The following DNAH5 variants were observed in gnomAD, a reference collection of about 807,000 sequenced individuals.
DNAH5 encodes the protein dynein axonemal heavy chain 5.
Under a neutral mutation model 518.2 loss-of-function variants are expected in DNAH5, and 372 were observed. The ratio of observed to expected loss-of-function variants is 0.72; its 90% CI spans 0.66 to 0.78. The LOEUF (loss-of-function observed/expected upper bound fraction) is 0.78, where lower values mean the gene tolerates loss of function less well. Ranked by LOEUF, DNAH5 falls within the 30% of genes least tolerant of loss-of-function variation. DNAH5 has a pLI of 0.00. For missense variants in DNAH5, 5,523 were observed against 5,687.0 expected (o/e 0.97, Z 0.93); for synonymous variants, 2,039 against 2,025.9 (o/e 1.01, Z -0.17).
intron 1 of DNAH5, among the ~76,000 whole-genome samples, chr5:13,998,307 G>A (rs568413271): frequency 6.6e-6 from 1 of 152,280 alleles, no homozygotes; most frequent in East Asian, 1.9e-4. Context: ...CCCTTTATAA[G>A]GACATTACTC....
intron 43 of DNAH5, among the ~76,000 whole-genome samples, chr5:13,814,010 A>G (rs1386652027): frequency 6.6e-6 from 1 of 152,148 alleles, no homozygotes; most frequent in East Asian, 1.9e-4. Flanking sequence ...TATATAGCAA[A>G]ATATCTAAGT....
At chr5:13,909,470 T>C (rs576443396) in intron 12 of DNAH5, among the ~76,000 whole-genome samples, 1 of 151,982 alleles carries the variant, frequency 6.6e-6, no homozygotes, top group Non-Finnish European at 1.5e-5. Flanking sequence ...CACACAAACA[T>C]CTTTCTAGCA....
Position 13,824,254 on chromosome 5 carries a change from T to G in DNAH5, c.6524A>C (p.Asp2175Ala), listed in dbSNP as rs1335039476. The change falls in exon 39 of 79, where the codon GAT (aspartate) becomes GCT (alanine). Residue 2175 changes from aspartate (D) to alanine (A), a missense_variant. Coordinates refer to ENST00000265104, the MANE Select transcript of DNAH5 (RefSeq NM_001369.3). ...ACGCATGACAATCGTGGACTCCGTA[T>G]CCATTGGATTGGCTCTTTTTGCTGC... is the stretch of plus-strand genomic sequence containing the variant. ...LGAAKRANPM[D>A]TESTIVMRVL... 3.7e-6 allele frequency: 6 copies of G among 1,614,122 alleles called. 1 individual carries two copies. In the South Asian group the frequency reaches 6.6e-5, roughly 18 times the overall value.
At chr5:13,897,733 A>C (rs773777092) in intron 15 of DNAH5, 7 of 152,240 alleles carry the variant, frequency 4.6e-5, no homozygotes, top group Non-Finnish European at 7.3e-5. Flanking sequence ...CCTCCAAGAT[A>C]ATAAATGTTA....
In DNAH5 at chr5:13,916,423, T is replaced by A. The variant is rs1776649593; in HGVS notation, c.1122A>T (p.Ile374=). 2 of 1,558,314 alleles carry A rather than the reference T, an allele frequency of 1.3e-6. No homozygotes were observed. The highest frequency in any genetic ancestry group is 1.4e-5 in the African/African-American group (1 of 73,652). Residue 374 remains isoleucine, a synonymous_variant, in exon 9 of 79, where the codon ATA becomes ATT. Transcript: ENST00000265104. ...LSMMDAIPTL[I]NAIKMIYSIS... Reference sequence around the variant, plus strand: ...TACTATAGATCATTTTAATTGCATTTATAAGTGTAGGAATAGCATCCATCA... The same window carrying A: ...TACTATAGATCATTTTAATTGCATTAATAAGTGTAGGAATAGCATCCATCA...
intron 47 of DNAH5, among the ~76,000 whole-genome samples, chr5:13,804,226 A>G (rs1260894637): frequency 6.6e-6 from 1 of 152,226 alleles, no homozygotes; most frequent in Admixed American, 6.5e-5. Context: ...GGATGCTATT[A>G]ATTATTAATC....
At chr5:13,809,231 A>T in intron 45 of DNAH5, 45 bp from the exon 46 acceptor site, 1 of 1,609,924 alleles carries the variant, frequency 6.2e-7, no homozygotes, top group Non-Finnish European at 8.5e-7. Context: ...TAATAATTCA[A>T]CTCCGAACTG....
chr5:13,781,290 T>C (rs763498101), intron 52 of DNAH5, among the ~76,000 whole-genome samples: 3 of 152,166 alleles, frequency 2.0e-5, no homozygotes, highest in Non-Finnish European at 4.4e-5. Context: ...TCCTGTTAGT[T>C]GGTCTGACCT....
At chr5:13,701,572 T>A in intron 76 of DNAH5, 136 bp from the exon 77 acceptor site, 1 of 828,364 alleles carries the variant, frequency 1.2e-6, no homozygotes, top group Non-Finnish European at 1.9e-6. Flanking sequence ...AAGTCATGAA[T>A]TTTCCCTGGA....
chr5:13,808,674 T>C (rs1024388054), intron 46 of DNAH5, among the ~76,000 whole-genome samples: 1 of 152,196 alleles, frequency 6.6e-6, no homozygotes, highest in Admixed American at 6.5e-5. Flanking sequence ...GGATGCTTCA[T>C]GTTGGCTGGG....
intron 15 of DNAH5, among the ~76,000 whole-genome samples, chr5:13,895,782 G>A (rs1024621553): frequency 6.6e-6 from 1 of 152,086 alleles, no homozygotes; most frequent in Admixed American, 6.5e-5. Flanking sequence ...TCAATATATA[G>A]CAGACATTTC....
chr5:13,813,977 A>G (rs750201619), intron 43 of DNAH5, among the ~76,000 whole-genome samples: 6 of 152,194 alleles, frequency 3.9e-5, no homozygotes, highest in Admixed American at 6.5e-5. Context: ...TCTAATAAAC[A>G]TTCTGCCTTA....
chr5:13,851,636 C>T (rs1024054183), intron 30 of DNAH5, among the ~76,000 whole-genome samples: 1 of 152,162 alleles, frequency 6.6e-6, no homozygotes, highest in Middle Eastern at 3.4e-3. Flanking sequence ...TTCTTTAAAG[C>T]TTTCTGTATG....
Position 13,882,889 on chromosome 5 carries a change from G to C in DNAH5, c.3174+15C>G. ...GTGGTTTCCATATGAAACCATTTCT[G>C]CACCCCATACCCACCTTGGACAACA... On this transcript the variant is annotated intron_variant, in intron 20 of 78. Coordinates refer to ENST00000265104, the MANE Select transcript of DNAH5 (RefSeq NM_001369.3). 6.2e-7 allele frequency: 1 copy of C among 1,614,050 alleles called. No homozygotes were observed. The highest frequency in any genetic ancestry group is 8.5e-7 in the Non-Finnish European group (1 of 1,179,974).
intron 71 of DNAH5, among the ~76,000 whole-genome samples, chr5:13,720,461 C>T (rs989710241): frequency 2.6e-5 from 4 of 152,196 alleles, no homozygotes; most frequent in East Asian, 1.9e-4. Context: ...GCAGTGACTG[C>T]AGCCTCTACC....
intron 40 of DNAH5, among the ~76,000 whole-genome samples, chr5:13,820,912 G>A (rs897979891): frequency 1.3e-5 from 2 of 151,884 alleles, no homozygotes; most frequent in Admixed American, 1.3e-4. Flanking sequence ...GAGGAAGGAG[G>A]AGGATTTACT....
At chr5:13,893,933 C>T (rs1188085080) in intron 16 of DNAH5, among the ~76,000 whole-genome samples, 4 of 138,062 alleles carry the variant, frequency 2.9e-5, no homozygotes, top group African/African-American at 8.0e-5. Context: ...AAAAAAAAAA[C>T]CATTACCACG....
At chr5:13,844,411 A>G (rs963980168) in intron 32 of DNAH5, among the ~76,000 whole-genome samples, 1 of 152,194 alleles carries the variant, frequency 6.6e-6, no homozygotes, top group East Asian at 1.9e-4. Flanking sequence ...CAGCTTCATG[A>G]TTCTGTACAC....
intron 74 of DNAH5, 41 bp downstream of exon 74, chr5:13,716,446 C>T (rs1561100318): frequency 1.4e-6 from 2 of 1,450,904 alleles, no homozygotes; most frequent in East Asian, 2.3e-5. Context: ...CAAGTGGCTA[C>T]AGATATTTGC....
Sources: allele counts gnomAD v4.1 joint callset (sites outside exome capture counted in the v4.1 genomes callset), GRCh38; gene constraint gnomAD v4.1.1; transcripts MANE v1.5; gene names NCBI Gene and HGNC (gene_info 2026-07-23, HGNC 2026-07-21).